The following ISX variants were observed in gnomAD, a reference collection of about 807,000 sequenced individuals.
ISX encodes the protein intestine-specific homeobox.
A neutral mutation model predicts 16.9 loss-of-function variants in ISX; 15 were observed. The observed-to-expected ratio is 0.89, with a 90% CI of 0.59 to 1.36. The LOEUF is 1.36. ISX is among the 40% of genes most tolerant of loss of function. ISX has a pLI of 0.00. For missense variants in ISX, 316 were observed against 306.1 expected (o/e 1.03, Z -0.24); for synonymous variants, 125 against 119.7 (o/e 1.04, Z -0.29).
intron 2 of ISX, among the ~76,000 whole-genome samples, chr22:35,068,999 C>T (rs1928778718): frequency 6.6e-6 from 1 of 152,184 alleles, no homozygotes; most frequent in Admixed American, 6.5e-5. Context: ...ATCCATCCGT[C>T]TCCCACTATG....
intron 2 of ISX, among the ~76,000 whole-genome samples, chr22:35,077,197 G>A (rs1325980466): frequency 6.6e-6 from 1 of 152,226 alleles, no homozygotes; most frequent in African/African-American, 2.4e-5. Context: ...CAATGAGCTT[G>A]TATTTTCCAG....
chr22:35,085,847 AC>A lies in ISX; in HGVS notation c.*156del. On this transcript the variant is annotated 3_prime_UTR_variant, in exon 5 of 5. Coordinates refer to ENST00000404699, the MANE Select transcript of ISX (RefSeq NM_001303508.2). The stretch of plus-strand genomic sequence containing the variant: ...CTGAACATGCCAGTTGGAAGGCTGC[AC>A]CAGACTCAAAAGCAAACTAAACAAT... 1 of 866,256 alleles carries A rather than the reference AC, an allele frequency of 1.2e-6. No homozygotes were observed. The highest frequency in any genetic ancestry group is 1.8e-6 in the Non-Finnish European group (1 of 558,604). The allele number at this position is 866,256 out of a possible 1,614,324, so 53.7% of individuals were successfully genotyped here.
intron 2 of ISX, among the ~76,000 whole-genome samples, chr22:35,068,058 C>T (rs998569315): frequency 2.0e-5 from 3 of 152,210 alleles, no homozygotes; most frequent in African/African-American, 7.2e-5. Flanking sequence ...TTAGCTCTAC[C>T]TTGGCCTGCT....
At chr22:35,074,117 A>C (rs1331045880) in intron 2 of ISX, among the ~76,000 whole-genome samples, 1 of 152,192 alleles carries the variant, frequency 6.6e-6, no homozygotes, top group African/African-American at 2.4e-5. Flanking sequence ...TCTGCATGTG[A>C]GCTCACCTCT....
Position 35,066,888 on chromosome 22 carries a change from C to T in ISX, c.-200C>T. ...AGGGCTGAGCCGTGGGCACAGGATA[C>T]CACTCCTTCCAGCTCTTCTGCTGTG... is the stretch of plus-strand genomic sequence containing the variant. On this transcript the variant is annotated 5_prime_UTR_variant, in exon 2 of 5. Transcript: ENST00000404699. 1 of 575,382 alleles carries T rather than the reference C, an allele frequency of 1.7e-6. No individual in the cohort carries two copies. Among genetic ancestry groups the T allele is most frequent in the Non-Finnish European group, 3.1e-6 (1 of 323,084 alleles). 35.6% of individuals were successfully genotyped at this position (575,382 alleles called of 1,614,324 possible). A position where few individuals can be genotyped will look rare whatever the true frequency, so the allele number is the denominator to read the frequency against.
chr22:35,068,599 C>T (rs1049926178), intron 2 of ISX, among the ~76,000 whole-genome samples: 14 of 152,332 alleles, frequency 9.2e-5, no homozygotes, highest in African/African-American at 3.1e-4. Context: ...CACCCTGTGT[C>T]ATGAGAGAGA....
intron 2 of ISX, among the ~76,000 whole-genome samples, chr22:35,078,393 A>G (rs1301405961): frequency 6.6e-6 from 1 of 152,170 alleles, no homozygotes; most frequent in Non-Finnish European, 1.5e-5. Flanking sequence ...TTCTCTCTAC[A>G]TCAATTCTGA....
Position 35,067,306 on chromosome 22 carries a change from C to A in ISX, c.219C>A (p.Asp73Glu). ...SGSGLEKPPK[D>E]QPQEGRKSKR... ...CTGGGCTAGAAAAGCCTCCAAAGGACCAGCCCCAGGGTAAGTGTCTTCTGA... is the reference window on the plus strand; with the variant it reads ...CTGGGCTAGAAAAGCCTCCAAAGGAACAGCCCCAGGGTAAGTGTCTTCTGA... Residue 73 changes from aspartate (D) to glutamate (E), a missense_variant, in exon 2 of 5, where the codon GAC (aspartate) becomes GAA (glutamate). Transcript: ENST00000404699. 1 of 1,568,818 alleles carries A rather than the reference C, an allele frequency of 6.4e-7. No homozygotes were observed. Among genetic ancestry groups the A allele is most frequent in the South Asian group, 1.2e-5 (1 of 85,352 alleles).
intron 2 of ISX, among the ~76,000 whole-genome samples, chr22:35,080,738 TC>T (rs11333813): frequency 0.61 from 92,972 of 152,006 alleles, 28,981 homozygotes; most frequent in Admixed American, 0.67. Context: ...CAGTTCAGTT[TC>T]CCCACACTTG....
chr22:35,071,685 C>G (rs1928856708), intron 2 of ISX, among the ~76,000 whole-genome samples: 1 of 152,214 alleles, frequency 6.6e-6, no homozygotes, highest in Non-Finnish European at 1.5e-5. Flanking sequence ...AGATCAACAA[C>G]TGTCAGCTCC....
intron 2 of ISX, 141 bp from the exon 3 acceptor site, chr22:35,082,377 G>A (rs1929140305): frequency 2.6e-6 from 2 of 757,924 alleles, no homozygotes; most frequent in Admixed American, 2.4e-5. Flanking sequence ...AGAGAATACT[G>A]TGAAGCTCCA....
chr22:35,067,557 T>C (rs929295171), intron 2 of ISX, among the ~76,000 whole-genome samples: 3 of 152,246 alleles, frequency 2.0e-5, no homozygotes, highest in Non-Finnish European at 4.4e-5. Context: ...CTTGTTATTG[T>C]AACCAGGCCC....
rs1929199873 is a variant in ISX, at chr22:35,084,500, G to A, written c.498+1G>A. 4 of 1,601,660 alleles carry A rather than the reference G, an allele frequency of 2.5e-6. No individual in the cohort carries two copies. The highest frequency in any genetic ancestry group is 3.4e-6 in the Non-Finnish European group (4 of 1,170,176). ...CCTGCCCACAAATCTGGATGTGGCT[G>A]TAAGTGGCTGAGGCCTCAAGGTAGG... On this transcript the variant is annotated splice_donor_variant, in intron 4 of 4. Coordinates refer to ENST00000404699, the MANE Select transcript of ISX (RefSeq NM_001303508.2). LOFTEE classifies it high-confidence loss of function.
intron 2 of ISX, among the ~76,000 whole-genome samples, chr22:35,071,357 A>C (rs1172026554): frequency 1.3e-5 from 2 of 152,230 alleles, no homozygotes; most frequent in African/African-American, 4.8e-5. Flanking sequence ...TACCATTCAG[A>C]AAGCCAGAAG....
intron 3 of ISX, 55 bp from the exon 4 acceptor site, chr22:35,084,328 G>A: frequency 9.0e-7 from 1 of 1,111,524 alleles, no homozygotes; most frequent in South Asian, 1.3e-5. Context: ...TGGGGGAAGT[G>A]GTATTAGATG....
Position 35,087,090 on chromosome 22 carries a change from T to C in ISX, c.*1397T>C, listed in dbSNP as rs979770324. On this transcript the variant is annotated 3_prime_UTR_variant, in exon 5 of 5. Coordinates refer to ENST00000404699, the MANE Select transcript of ISX (RefSeq NM_001303508.2). Reference sequence around the variant, plus strand: ...TGGGTCTCAGTTTTCTCATCTGTATTGGAGGTAGCAGTGCTAGCTCTGCCT... The same window carrying C: ...TGGGTCTCAGTTTTCTCATCTGTATCGGAGGTAGCAGTGCTAGCTCTGCCT... 2.0e-5 allele frequency: 3 copies of C among 152,270 alleles called. No homozygotes were observed. The highest frequency in any genetic ancestry group is 7.2e-5 in the African/African-American group (3 of 41,454). 9.4% of individuals were successfully genotyped at this position (152,270 alleles called of 1,614,324 possible). A position where few individuals can be genotyped will look rare whatever the true frequency, so the allele number is the denominator to read the frequency against.
intron 2 of ISX, among the ~76,000 whole-genome samples, chr22:35,068,436 G>A (rs1027897832): frequency 3.3e-5 from 5 of 152,192 alleles, no homozygotes; most frequent in Admixed American, 3.3e-4. Context: ...AAGGAGCCTG[G>A]TGTGTTTCCC....
In ISX at chr22:35,085,703, A is replaced by G. The variant is rs1929238321; in HGVS notation, c.*10A>G. On this transcript the variant is annotated 3_prime_UTR_variant, in exon 5 of 5. Coordinates refer to ENST00000404699, the MANE Select transcript of ISX (RefSeq NM_001303508.2). The stretch of plus-strand genomic sequence containing the variant: ...TGCTACTTCAACATAGAGATTGGAC[A>G]TGCTCTCCCCAAATGAGCCACTTTC... 14 of 1,614,096 alleles carry G rather than the reference A, an allele frequency of 8.7e-6. No individual in the cohort carries two copies. Among genetic ancestry groups the G allele is most frequent in the Non-Finnish European group, 1.2e-5 (14 of 1,179,962 alleles).
chr22:35,085,819 A>C lies in ISX; in HGVS notation c.*126A>C, dbSNP rs988023128. The C allele has an allele frequency of 8.2e-7, 1 of 1,213,204 alleles. No homozygotes were observed. Among genetic ancestry groups the C allele is most frequent in the Non-Finnish European group, 1.2e-6 (1 of 847,550 alleles). 75.2% of individuals were successfully genotyped at this position (1,213,204 alleles called of 1,614,324 possible). A position where few individuals can be genotyped will look rare whatever the true frequency, so the allele number is the denominator to read the frequency against. ...AAAATGGCCCACAGCCCAGGAAGCT[A>C]CCCTGAACATGCCAGTTGGAAGGCT... On this transcript the variant is annotated 3_prime_UTR_variant, in exon 5 of 5. Transcript: ENST00000404699.
Sources: gnomAD v4.1 joint callset for allele counts (sites outside exome capture counted in the v4.1 genomes callset) on GRCh38, gnomAD v4.1.1 for gene constraint, MANE v1.5 for transcripts, NCBI Gene and HGNC (gene_info 2026-07-23, HGNC 2026-07-21) for gene names.